Variants in FYN observed in about 807,000 individuals in gnomAD.
The protein encoded by FYN is FYN proto-oncogene, Src family tyrosine kinase.
A neutral mutation model predicts 70.2 loss-of-function variants in FYN; 10 were observed. That is an observed-to-expected ratio of 0.14 (90% CI 0.09 to 0.24). The LOEUF (loss-of-function observed/expected upper bound fraction) is 0.24, where lower values mean the gene tolerates loss of function less well. Ranked by LOEUF, FYN falls within the 10% of genes least tolerant of loss-of-function variation. The pLI, the probability that FYN is intolerant of heterozygous loss-of-function variation, is 1.00. For synonymous variants in FYN, 236 were observed against 248.6 expected (o/e 0.95, Z 0.48); for missense variants, 319 against 673.1 (o/e 0.47, Z 5.82).
chr6:111,691,287 C>T (rs1562473115), intron 12 of FYN, among the ~76,000 whole-genome samples: 1 of 152,180 alleles, frequency 6.6e-6, no homozygotes, highest in Non-Finnish European at 1.5e-5. Context: ...AATGCCACCT[C>T]ATCTGCCCAA....
chr6:111,764,233 G>GAAAA (rs1441217283), intron 3 of FYN, among the ~76,000 whole-genome samples: 2 of 71,696 alleles, frequency 2.8e-5, no homozygotes, highest in African/African-American at 1.1e-4. Context: ...AAAAAAAAAA[G>GAAAA]AAAAGAAAAA....
At chr6:111,724,655 AG>A (rs1801115291) in intron 3 of FYN, among the ~76,000 whole-genome samples, 1 of 152,200 alleles carries the variant, frequency 6.6e-6, no homozygotes, top group African/African-American at 2.4e-5. Flanking sequence ...GAGGAATGGC[AG>A]GAAGAGGAAG....
chr6:111,750,780 A>AAAC (rs1802451813), intron 3 of FYN, among the ~76,000 whole-genome samples: 1 of 149,792 alleles, frequency 6.7e-6, no homozygotes, highest in African/African-American at 2.5e-5. Flanking sequence ...TGAATTGCTG[A>AAAC]AACAAAGGGC....
At chr6:111,757,043 T>C (rs1802770320) in intron 3 of FYN, among the ~76,000 whole-genome samples, 1 of 151,996 alleles carries the variant, frequency 6.6e-6, no homozygotes, top group African/African-American at 2.4e-5. Flanking sequence ...AGATAAAAGA[T>C]TGAAAAAGAA....
intron 3 of FYN, among the ~76,000 whole-genome samples, chr6:111,779,121 A>AAT (rs1228509638): frequency 4.4e-5 from 4 of 91,494 alleles, no homozygotes; most frequent in African/African-American, 1.3e-4. Context: ...AGTAGGAGAC[A>AAT]TTTTTTTTTT....
chr6:111,682,811 T>C (rs1583301085), intron 12 of FYN, among the ~76,000 whole-genome samples: 1 of 152,230 alleles, frequency 6.6e-6, no homozygotes, highest in East Asian at 1.9e-4. Context: ...AAACTGGGGA[T>C]GATAACCTCC....
rs144988570 is a variant in FYN, at chr6:111,696,293, G to A, written c.1026C>T (p.Thr342=). The change falls in exon 10 of 14, where the codon ACC becomes ACT. Residue 342 remains threonine, a synonymous_variant. Coordinates refer to ENST00000354650, the MANE Select transcript of FYN (RefSeq NM_002037.5). The part of the protein sequence containing the change: ...VVSEEPIYIV[T]EYMNKGSLLD... ...TTGCCCAACCTTTGTTCATATACTC[G>A]GTGACGATGTAGATGGGCTCCTCAG... 15 of 1,610,186 alleles carry A rather than the reference G, an allele frequency of 9.3e-6. No homozygotes were observed. Among genetic ancestry groups the A allele is most frequent in the Middle Eastern group, 1.6e-4 (1 of 6,078 alleles).
At chr6:111,796,546 T>A (rs1382722635) in intron 2 of FYN, among the ~76,000 whole-genome samples, 1 of 152,202 alleles carries the variant, frequency 6.6e-6, no homozygotes, top group African/African-American at 2.4e-5. Context: ...TCAGAATGTA[T>A]CCCTGTCCTG....
In FYN at chr6:111,722,048, G is replaced by A. The variant is rs1030431580; in HGVS notation, c.-11-1986C>T. The stretch of plus-strand genomic sequence containing the variant: ...TATACTATCTTGCAAACCAATGCAG[G>A]AGGTGCCATATCAGAAGAGTGCTCC... On this transcript the variant is annotated intron_variant, in intron 3 of 13. Transcript: ENST00000354650. Among the ~76,000 whole-genome samples the A allele has an allele frequency of 2.6e-5, 4 of 152,176 alleles. No homozygotes were observed. The East Asian group carries it at 7.7e-4, about 29-fold the overall frequency.
intron 4 of FYN, among the ~76,000 whole-genome samples, chr6:111,716,403 A>G (rs1166549461): frequency 6.6e-6 from 1 of 152,186 alleles, no homozygotes; most frequent in Non-Finnish European, 1.5e-5. Flanking sequence ...TTATTTTTTA[A>G]AAGTCACGGT....
chr6:111,743,307 C>A (rs769823298), intron 3 of FYN, among the ~76,000 whole-genome samples: 1 of 152,132 alleles, frequency 6.6e-6, no homozygotes, highest in Non-Finnish European at 1.5e-5. Flanking sequence ...TTCCAAAGAA[C>A]AAGGTTAACA....
intron 1 of FYN, among the ~76,000 whole-genome samples, chr6:111,866,710 C>G (rs1386973026): frequency 1.3e-5 from 2 of 152,240 alleles, no homozygotes; most frequent in Non-Finnish European, 2.9e-5. Context: ...ACTTTGCCAT[C>G]TTGGACAAGT....
At chr6:111,732,272 G>A (rs936726803) in intron 3 of FYN, among the ~76,000 whole-genome samples, 1 of 152,194 alleles carries the variant, frequency 6.6e-6, no homozygotes, top group Non-Finnish European at 1.5e-5. Flanking sequence ...GCCTATGAAT[G>A]AGGTAGAGAA....
rs533134001 is a variant in FYN at position 111,708,140 on chromosome 6, C to A, written c.345-120G>T. The A allele has an allele frequency of 1.4e-4, 101 of 735,566 alleles. No homozygotes were observed. In the African/African-American group the frequency reaches 1.6e-3, roughly 12 times the overall value. 45.6% of individuals were successfully genotyped at this position (735,566 alleles called of 1,614,324 possible). On this transcript the variant is annotated intron_variant, in intron 5 of 13. Coordinates refer to ENST00000354650, the MANE Select transcript of FYN (RefSeq NM_002037.5). Reference sequence around the variant, plus strand: ...CATCCTGCCACCCGATTTCTCCAACCTATTCCTTTACTCTGAACTCCAACA... The same window carrying A: ...CATCCTGCCACCCGATTTCTCCAACATATTCCTTTACTCTGAACTCCAACA...
intron 9 of FYN, chr6:111,699,523 A>C (rs200051638): frequency 1.9e-6 from 3 of 1,613,292 alleles, no homozygotes; most frequent in Non-Finnish European, 2.5e-6. Context: ...ACCAAGCCAC[A>C]CTTCAGCGAA....
At chr6:111,700,460 A>C (rs1448131569) in intron 8 of FYN, among the ~76,000 whole-genome samples, 192 bp from the exon 9 acceptor site, 2 of 152,176 alleles carry the variant, frequency 1.3e-5, no homozygotes, top group Non-Finnish European at 2.9e-5. Flanking sequence ...ACACCAGCAG[A>C]CGACCACACA....
chr6:111,705,066 C>T (rs1339242748), intron 6 of FYN, among the ~76,000 whole-genome samples: 1 of 151,728 alleles, frequency 6.6e-6, no homozygotes, highest in Non-Finnish European at 1.5e-5. Flanking sequence ...TGTCTCATAA[C>T]AAAAAATAAA....
intron 13 of FYN, among the ~76,000 whole-genome samples, chr6:111,666,506 C>A (rs777009501): frequency 1.3e-5 from 2 of 152,196 alleles, no homozygotes; most frequent in Non-Finnish European, 2.9e-5. Flanking sequence ...TCTAGAATTG[C>A]TCAGGAAAAC....
intron 12 of FYN, among the ~76,000 whole-genome samples, chr6:111,686,199 G>C (rs1012436756): frequency 2.6e-5 from 4 of 152,078 alleles, no homozygotes; most frequent in African/African-American, 9.7e-5. Flanking sequence ...GAAGCTCCAC[G>C]GTGGCTCAGC....
Sources: allele counts gnomAD v4.1 joint callset (sites outside exome capture counted in the v4.1 genomes callset), GRCh38; gene constraint gnomAD v4.1.1; transcripts MANE v1.5; gene names NCBI Gene and HGNC (gene_info 2026-07-23, HGNC 2026-07-21).